Variants in TACC1 observed in about 807,000 individuals in gnomAD.
The protein encoded by TACC1 is transforming acidic coiled-coil containing protein 1.
A neutral mutation model predicts 84.4 loss-of-function variants in TACC1; 48 were observed. The ratio of observed to expected loss-of-function variants is 0.57; its 90% CI spans 0.45 to 0.72. The LOEUF (loss-of-function observed/expected upper bound fraction) is 0.72, where lower values mean the gene tolerates loss of function less well. Among genes scored for constraint, TACC1 ranks in the 30% least tolerant of loss-of-function variants. The pLI is 0.00. For synonymous variants in TACC1, 372 were observed against 376.3 expected, an observed-to-expected ratio of 0.99 and a Z score of 0.13; for missense variants, 920 against 973.0, an observed-to-expected ratio of 0.95 and a Z score of 0.72.
At chr8:38,739,136 G>A (rs1032108188) in intron 1 of TACC1, among the ~76,000 whole-genome samples, 7 of 152,154 alleles carry the variant, frequency 4.6e-5, no homozygotes, top group Admixed American at 3.9e-4. Flanking sequence ...TGATCTGCCT[G>A]CCTTATGCTC....
Position 38,820,060 on chromosome 8 carries a change from T to A in TACC1, c.816T>A (p.Asp272Glu), listed in dbSNP as rs147969283. ...ATCACTTCAGTCCTGAAGAGTTGGA[T>A]GAGAACACAAGTCCTTTGCTAGGAG... ...ASYHFSPEEL[D>E]ENTSPLLGDA... The change falls in exon 3 of 13, where the codon GAT becomes GAA. Residue 272 changes from aspartate (D) to glutamate (E), a missense_variant. Physicochemically the swap from Asp to Glu is conservative, Grantham distance 45 (BLOSUM62 2). This residue lies in a region of TACC1 where 762 missense variants were observed against 747.3 expected (regional missense o/e 1.02). Transcript: ENST00000317827. The A allele has an allele frequency of 6.8e-6, 11 of 1,613,998 alleles. No homozygotes were observed.
intron 3 of TACC1, among the ~76,000 whole-genome samples, chr8:38,761,546 C>T (rs1056585931): frequency 1.3e-5 from 2 of 152,220 alleles, no homozygotes; most frequent in Non-Finnish European, 2.9e-5. Flanking sequence ...TTAATGAGCA[C>T]ATCACTGTGG....
At chr8:38,830,586 T>C in intron 5 of TACC1, among the ~76,000 whole-genome samples, 1 of 152,200 alleles carries the variant, frequency 6.6e-6, no homozygotes, top group East Asian at 1.9e-4. Flanking sequence ...TTATTTTAAA[T>C]GTCATCCTCT....
chr8:38,820,933 C>T (rs897896052), intron 3 of TACC1, among the ~76,000 whole-genome samples: 4 of 152,000 alleles, frequency 2.6e-5, no homozygotes, highest in South Asian at 2.1e-4. Flanking sequence ...AGACCAGTCA[C>T]GGTGGCTCAC....
chr8:38,848,815 C>G lies in TACC1; in HGVS notation c.*792C>G, dbSNP rs1832731137. ...TGGGTGTGGCCCCTTTAGGGTTAGT[C>G]CTCAGACTAATGATAGTGTCTGCTT... On this transcript the variant is annotated 3_prime_UTR_variant, in exon 13 of 13. Coordinates refer to ENST00000317827, the MANE Select transcript of TACC1 (RefSeq NM_006283.3). The G allele has an allele frequency of 6.6e-6, 1 of 152,176 alleles. No individual in the cohort carries two copies. Among genetic ancestry groups the G allele is most frequent in the Non-Finnish European group, 1.5e-5 (1 of 68,044 alleles). 9.4% of individuals were successfully genotyped at this position (152,176 alleles called of 1,614,324 possible).
chr8:38,798,128 C>CTT (rs372828458), intron 2 of TACC1, among the ~76,000 whole-genome samples: 18 of 144,796 alleles, frequency 1.2e-4, no homozygotes, highest in Admixed American at 4.1e-4. Context: ...ATTTTTCTTC[C>CTT]TTTTTTTTTT....
At chr8:38,805,562 CT>C (rs1178176501) in intron 2 of TACC1, 2 of 152,330 alleles carry the variant, frequency 1.3e-5, no homozygotes, top group East Asian at 3.9e-4. Flanking sequence ...CTTTTGCCTC[CT>C]TAACTGGATG....
chr8:38,801,398 G>T (rs757156164), intron 2 of TACC1, among the ~76,000 whole-genome samples: 2 of 152,234 alleles, frequency 1.3e-5, no homozygotes, highest in Admixed American at 6.5e-5. Context: ...TGCATATGGT[G>T]TAAGGGAGTA....
chr8:38,733,192 C>T (rs1256412777), intron 1 of TACC1, among the ~76,000 whole-genome samples: 3 of 152,010 alleles, frequency 2.0e-5, no homozygotes, highest in Admixed American at 6.6e-5. Flanking sequence ...TTCTTTTTTC[C>T]AGAGATCTCA....
At chr8:38,799,106 C>T (rs1820719962) in intron 2 of TACC1, among the ~76,000 whole-genome samples, 1 of 152,194 alleles carries the variant, frequency 6.6e-6, no homozygotes, top group Admixed American at 6.5e-5. Context: ...CAGAATCACG[C>T]TTGTTTCCCT....
At chr8:38,817,193 G>T (rs1368749367) in intron 2 of TACC1, among the ~76,000 whole-genome samples, 3 of 145,238 alleles carry the variant, frequency 2.1e-5, no homozygotes, top group African/African-American at 5.6e-5. Flanking sequence ...AAGACTCATT[G>T]TTGTACAACT....
At chr8:38,753,960 G>GT (rs372572828) in intron 3 of TACC1, among the ~76,000 whole-genome samples, 22,978 of 93,582 alleles carry the variant, frequency 0.25, 2,507 homozygotes, top group Non-Finnish European at 0.31. Context: ...CATTTTTTGG[G>GT]TTTTTTTTTT....
At chr8:38,753,111 T>C (rs142480626) in intron 3 of TACC1, among the ~76,000 whole-genome samples, 29 of 152,272 alleles carry the variant, frequency 1.9e-4, no homozygotes, top group African/African-American at 7.0e-4. Context: ...TTTTGCTTTG[T>C]TTTTTGGAGA....
rs1251774445 is a variant in TACC1 at position 38,842,382 on chromosome 8, A to G, written c.2056A>G (p.Arg686Gly). 6.2e-7 allele frequency: 1 copy of G among 1,614,138 alleles called. No individual in the cohort carries two copies. Among genetic ancestry groups the G allele is most frequent in the Non-Finnish European group, 8.5e-7 (1 of 1,180,046 alleles). Residue 686 changes from arginine to glycine, a missense_variant, in exon 10 of 13, where the codon AGG (arginine) becomes GGG (glycine). Transcript: ENST00000317827. ...CCTGGCTGACCTTAACTCTGTGGAAAGGTCCCTTTCTGATCTCTTCAGGAG... is the reference window on the plus strand; with the variant it reads ...CCTGGCTGACCTTAACTCTGTGGAAGGGTCCCTTTCTGATCTCTTCAGGAG... Reference protein sequence around the residue: ...QALADLNSVERSLSDLFRRYE... With the variant: ...QALADLNSVEGSLSDLFRRYE...
rs532529261 is a variant in TACC1 at position 38,731,100 on chromosome 8, T to A, written c.-675+2429T>A. On this transcript the variant is annotated intron_variant, in intron 1 of 14. Coordinates refer to the TACC1 transcript ENST00000518415. ...GCACCACTATGCCTGGCTATTTTTTTAAATTTTTTAATTTTTGTGTAGAGA... is the reference window on the plus strand; with the variant it reads ...GCACCACTATGCCTGGCTATTTTTTAAAATTTTTTAATTTTTGTGTAGAGA... Among the ~76,000 whole-genome samples the A allele has an allele frequency of 4.6e-3, 693 of 152,196 alleles. 10 individuals are homozygous for A. Among genetic ancestry groups the A allele is most frequent in the Non-Finnish European group, 5.1e-3 (348 of 67,990 alleles).
Position 38,831,121 on chromosome 8 carries a change from T to G in TACC1, c.1661-4T>G. On this transcript the variant is annotated splice_region_variant and splice_polypyrimidine_tract_variant and intron_variant, in intron 5 of 12. Coordinates refer to ENST00000317827, the MANE Select transcript of TACC1 (RefSeq NM_006283.3). ...ATAACTATAAAAATGACTTTCTGTCTTAGGCATAGAGAAGGAGACGTGCCA... is the reference window on the plus strand; with the variant it reads ...ATAACTATAAAAATGACTTTCTGTCGTAGGCATAGAGAAGGAGACGTGCCA... 2 of 1,614,172 alleles carry G rather than the reference T, an allele frequency of 1.2e-6. No individual in the cohort carries two copies. Among genetic ancestry groups the G allele is most frequent in the Non-Finnish European group, 1.7e-6 (2 of 1,179,990 alleles).
chr8:38,844,169 TTTA>T (rs754707593), intron 11 of TACC1, among the ~76,000 whole-genome samples: 1 of 151,882 alleles, frequency 6.6e-6, no homozygotes, highest in African/African-American at 2.4e-5. Context: ...ATTTATTTAT[TTTA>T]TTATTATTAT....
At chr8:38,836,331 G>GT in intron 7 of TACC1, 44 bp downstream of exon 7, 1 of 1,590,936 alleles carries the variant, frequency 6.3e-7, no homozygotes, top group Non-Finnish European at 8.5e-7. Context: ...CCATTTCTTT[G>GT]TAAGGCCCAT....
intron 2 of TACC1, among the ~76,000 whole-genome samples, chr8:38,808,452 G>T (rs1823274866): frequency 6.6e-6 from 1 of 152,142 alleles, no homozygotes; most frequent in South Asian, 2.1e-4. Flanking sequence ...TTGCTCTGTT[G>T]TCCAGGCTGG....
Sources: gnomAD v4.1 joint callset for allele counts (sites outside exome capture counted in the v4.1 genomes callset) on GRCh38, gnomAD v4.1.1 for gene constraint, gnomAD v4.1.1 regional missense constraint, MANE v1.5 for transcripts, NCBI Gene and HGNC (gene_info 2026-07-23, HGNC 2026-07-21) for gene names.